DOCK7: variants seen among roughly 807,000 people sequenced by gnomAD.
The protein encoded by DOCK7 is dedicator of cytokinesis protein 7.
In DOCK7, 138 loss-of-function variants were observed where a neutral mutation model predicts 271.0. The ratio of observed to expected loss-of-function variants is 0.51; its 90% CI spans 0.44 to 0.59. The LOEUF (loss-of-function observed/expected upper bound fraction) is 0.59. DOCK7 is among the 20% of genes least tolerant of loss of function. The pLI, the probability that DOCK7 is intolerant of heterozygous loss-of-function variation, is 0.00. For synonymous variants in DOCK7, 823 were observed against 876.1 expected, an observed-to-expected ratio of 0.94 and a Z score of 1.07; for missense variants, 2,066 against 2,592.4, an observed-to-expected ratio of 0.80 and a Z score of 4.41.
intron 9 of DOCK7, chr1:62,634,570 G>C (rs1459901988): frequency 2.3e-6 from 1 of 442,488 alleles, no homozygotes; most frequent in African/African-American, 2.0e-5. Flanking sequence ...ATTCCTATTA[G>C]TTCTGTTTCA....
intron 1 of DOCK7, among the ~76,000 whole-genome samples, chr1:62,669,852 C>T (rs1050538886): frequency 1.1e-4 from 17 of 152,306 alleles, no homozygotes; most frequent in African/African-American, 4.1e-4. Context: ...TGGCCAAGGC[C>T]GGAGCCCACT....
At chr1:62,621,469 T>C (rs1168861195) in intron 12 of DOCK7, among the ~76,000 whole-genome samples, 3 of 152,242 alleles carry the variant, frequency 2.0e-5, no homozygotes, top group Admixed American at 1.3e-4. Flanking sequence ...GCATATTTCA[T>C]ATATTGTTCT....
intron 49 of DOCK7, among the ~76,000 whole-genome samples, chr1:62,457,286 T>A (rs535689965): frequency 6.6e-6 from 1 of 152,308 alleles, no homozygotes; most frequent in South Asian, 2.1e-4. Flanking sequence ...TCTGAAATGT[T>A]CCAATATCAG....
At chr1:62,481,307 ATGTT>A (rs1646119734) in intron 43 of DOCK7, 1 of 152,222 alleles carries the variant, frequency 6.6e-6, no homozygotes, top group Admixed American at 6.5e-5. Flanking sequence ...TTAAAAATAA[ATGTT>A]TGTGTGCAGA....
chr1:62,679,601 T>C (rs191943415), intron 1 of DOCK7, among the ~76,000 whole-genome samples: 85 of 152,334 alleles, frequency 5.6e-4, no homozygotes, highest in African/African-American at 1.9e-3. Context: ...TGAGATGGCA[T>C]TGTGCATCCA....
chr1:62,522,385 C>T (rs532143894), intron 31 of DOCK7, among the ~76,000 whole-genome samples: 1 of 152,166 alleles, frequency 6.6e-6, no homozygotes, highest in Non-Finnish European at 1.5e-5. Context: ...GTTGGTTTAA[C>T]ACTAGAAAAT....
intron 14 of DOCK7, chr1:62,597,660 G>C (rs746416387): frequency 6.8e-6 from 11 of 1,613,254 alleles, no homozygotes; most frequent in Non-Finnish European, 9.3e-6. Context: ...TCTATCTCCA[G>C]AGCCAAAATC....
intron 16 of DOCK7, among the ~76,000 whole-genome samples, chr1:62,582,034 T>C (rs1647141011): frequency 6.6e-6 from 1 of 152,082 alleles, no homozygotes; most frequent in South Asian, 2.1e-4. Flanking sequence ...GGTGAAAAGA[T>C]TCACATTTAA....
At chr1:62,481,029 A>AAAAAAC (rs1646109320) in intron 43 of DOCK7, among the ~76,000 whole-genome samples, 2 of 151,080 alleles carry the variant, frequency 1.3e-5, no homozygotes, top group Non-Finnish European at 1.5e-5. Context: ...AAAAAAAAAA[A>AAAAAAC]TCTGTGAACA....
Position 62,552,719 on chromosome 1 carries a change from G to A in DOCK7, c.2766+13C>T, listed in dbSNP as rs1033268323. 9.5e-6 allele frequency: 15 copies of A among 1,583,850 alleles called. No homozygotes were observed. The highest frequency in any genetic ancestry group is 1.3e-5 in the African/African-American group (1 of 74,114). Reference sequence around the variant, plus strand: ...ACAAAAACCAAATTTACAGATGCATGTCTTCAGTTTACCTTACTCCCGATG... The same window carrying A: ...ACAAAAACCAAATTTACAGATGCATATCTTCAGTTTACCTTACTCCCGATG... On this transcript the variant is annotated intron_variant, in intron 22 of 49. Coordinates refer to ENST00000635253, the MANE Select transcript of DOCK7 (RefSeq NM_001367561.1).
chr1:62,489,712 T>A (rs570351168), intron 41 of DOCK7, among the ~76,000 whole-genome samples: 2 of 152,168 alleles, frequency 1.3e-5, no homozygotes, highest in African/African-American at 4.8e-5. Context: ...TCACTAAGGT[T>A]AATGTGTGTA....
chr1:62,661,105 A>T (rs1281238784), intron 2 of DOCK7, among the ~76,000 whole-genome samples: 5 of 152,122 alleles, frequency 3.3e-5, no homozygotes, highest in African/African-American at 1.2e-4. Flanking sequence ...CTGAAAAAAA[A>T]AAAAAAAGAT....
chr1:62,560,499 G>T (rs1049891321), intron 19 of DOCK7, among the ~76,000 whole-genome samples: 3 of 152,088 alleles, frequency 2.0e-5, no homozygotes, highest in African/African-American at 7.2e-5. Context: ...CTTCCCCTTA[G>T]CATGGCCCCA....
chr1:62,535,823 C>A (rs1645327885), intron 28 of DOCK7, among the ~76,000 whole-genome samples, 191 bp from the exon 29 acceptor site: 1 of 152,144 alleles, frequency 6.6e-6, no homozygotes, highest in Admixed American at 6.6e-5. Flanking sequence ...AAGTTAATTA[C>A]TTTATTATAG....
chr1:62,664,367 G>C (rs1381109082), intron 1 of DOCK7, among the ~76,000 whole-genome samples: 3 of 152,116 alleles, frequency 2.0e-5, no homozygotes, highest in South Asian at 4.2e-4. Flanking sequence ...CATGAGATCT[G>C]ATGGTTTTAT....
intron 40 of DOCK7, among the ~76,000 whole-genome samples, chr1:62,493,855 G>A (rs1054232238): frequency 6.6e-6 from 1 of 152,198 alleles, no homozygotes; most frequent in Non-Finnish European, 1.5e-5. Flanking sequence ...AAACTCATCT[G>A]TGAGTCATGG....
chr1:62,525,328 C>A (rs1644974550), intron 31 of DOCK7, among the ~76,000 whole-genome samples: 1 of 151,904 alleles, frequency 6.6e-6, no homozygotes, highest in Non-Finnish European at 1.5e-5. Flanking sequence ...AAACTCTAAA[C>A]AAAATTATGC....
intron 14 of DOCK7, among the ~76,000 whole-genome samples, chr1:62,599,104 A>G (rs1649734452): frequency 6.6e-6 from 1 of 152,086 alleles, no homozygotes; most frequent in South Asian, 2.1e-4. Context: ...AATTCATAGC[A>G]GCCAATGTCA....
intron 14 of DOCK7, among the ~76,000 whole-genome samples, chr1:62,595,760 C>T (rs755359470): frequency 3.9e-5 from 6 of 152,122 alleles, no homozygotes; most frequent in Non-Finnish European, 7.4e-5. Flanking sequence ...GAAACACAGT[C>T]TCTACAAAAT....
Sources: allele counts gnomAD v4.1 joint callset (sites outside exome capture counted in the v4.1 genomes callset), GRCh38; gene constraint gnomAD v4.1.1; transcripts MANE v1.5; gene names NCBI Gene and HGNC (gene_info 2026-07-23, HGNC 2026-07-21).